The following ZNF3 variants were observed in gnomAD, a reference collection of about 807,000 sequenced individuals.
ZNF3 encodes C2-H2 type zinc finger protein.
A neutral mutation model predicts 36.9 loss-of-function variants in ZNF3; 16 were observed. The observed-to-expected ratio is 0.43, with a 90% CI of 0.29 to 0.66. ZNF3 has a LOEUF of 0.66. Ranked by LOEUF, ZNF3 falls within the 30% of genes least tolerant of loss-of-function variation. The pLI is 0.13. For missense variants in ZNF3, 462 were observed against 543.1 expected (o/e 0.85, Z 1.48); for synonymous variants, 201 against 201.9 (o/e 1.00, Z 0.04).
chr7:100,065,163 T>TA (rs1250057633), downstream of ZNF3: 5 of 494,882 alleles, frequency 1.0e-5, no homozygotes, highest in African/African-American at 3.9e-5. Context: ...CACGGTGGCT[T>TA]ACGCCTGTAA....
chr7:100,080,598 G>C (rs1794839868), intron 1 of ZNF3, among the ~76,000 whole-genome samples: 1 of 151,784 alleles, frequency 6.6e-6, no homozygotes, highest in Non-Finnish European at 1.5e-5. Context: ...GATCACTTGA[G>C]GCCAGGAGTT....
intron 1 of ZNF3, among the ~76,000 whole-genome samples, 156 bp from the exon 2 acceptor site, chr7:100,079,812 C>T (rs1282928569): frequency 6.6e-6 from 1 of 152,126 alleles, no homozygotes; most frequent in African/African-American, 2.4e-5. Flanking sequence ...ATCCTCCCAG[C>T]TCAGCCTCCC....
upstream of ZNF3, chr7:100,082,491 C>G (rs1460403812): frequency 6.6e-6 from 1 of 152,176 alleles, no homozygotes; most frequent in Non-Finnish European, 1.5e-5. Context: ...GAGGCTGAGA[C>G]AGGAGAATCG....
downstream of ZNF3, among the ~76,000 whole-genome samples, chr7:100,068,706 G>A (rs564561578): frequency 6.3e-4 from 95 of 151,800 alleles, no homozygotes; most frequent in South Asian, 2.1e-4. Context: ...CTCTGTTATC[G>A]TGTGGTGGTG....
At chr7:100,081,850 T>G (rs1795043161), upstream of ZNF3, 2 of 152,626 alleles carry the variant, frequency 1.3e-5, no homozygotes, top group Non-Finnish European at 2.9e-5. The surrounding 1 kb of genome is among the most constrained non-coding windows in gnomAD (Gnocchi z 4.3). Context: ...GTTTGCTGAC[T>G]CAGGGCGGCT....
In ZNF3 at chr7:100,081,287, G is replaced by A. The variant is rs1794960233; in HGVS notation, c.-198+348C>T. On this transcript the variant is annotated intron_variant, in intron 1 of 5. Transcript: ENST00000299667. The surrounding 1 kb of genome is among the most constrained non-coding windows in gnomAD (Gnocchi z 4.3). ...AACTGTGTTAACATCAAATAAAAAC[G>A]TCTGGGAGAAATACCAAGTTAGGGT... Among the ~76,000 whole-genome samples the A allele has an allele frequency of 6.6e-6, 1 of 152,238 alleles. No individual in the cohort carries two copies. The highest frequency in any genetic ancestry group is 1.5e-5 in the Non-Finnish European group (1 of 68,046).
chr7:100,077,247 C>A (rs34312198), intron 3 of ZNF3, 56 bp downstream of exon 3: 153,556 of 1,609,672 alleles, frequency 0.095, 8,331 homozygotes, highest in Non-Finnish European at 0.11. Flanking sequence ...TGAGCGATTT[C>A]AATGGATGAT....
At chr7:100,067,037 C>CAAAA, downstream of ZNF3, among the ~76,000 whole-genome samples, 1 of 150,198 alleles carries the variant, frequency 6.7e-6, no homozygotes, top group African/African-American at 2.5e-5. Context: ...GATTCCATCT[C>CAAAA]AAAAAAAAAT....
upstream of ZNF3, chr7:100,082,293 A>C (rs1795078248): frequency 6.6e-6 from 1 of 152,352 alleles, no homozygotes. Context: ...AGAGAAGAGG[A>C]AGCTTACCGG....
rs1691657993 is a variant in ZNF3 at position 100,079,558 on chromosome 7, C to G, written c.-99G>C. On this transcript the variant is annotated 5_prime_UTR_variant, in exon 2 of 6. Transcript: ENST00000299667. ...TACCTGCCTGATTCTTTCCTTCCTTCTTTGAAGTCAGTCCCTAGAAGGCCA... is the reference window on the plus strand; with the variant it reads ...TACCTGCCTGATTCTTTCCTTCCTTGTTTGAAGTCAGTCCCTAGAAGGCCA... 1 of 152,154 alleles carries G rather than the reference C, an allele frequency of 6.6e-6. No individual in the cohort carries two copies. The highest frequency in any genetic ancestry group is 1.5e-5 in the Non-Finnish European group (1 of 68,044). 9.4% of individuals were successfully genotyped at this position (152,154 alleles called of 1,614,324 possible).
intron 3 of ZNF3, among the ~76,000 whole-genome samples, chr7:100,076,289 ATTC>A (rs1794097814): frequency 6.6e-6 from 1 of 151,384 alleles, no homozygotes; most frequent in Non-Finnish European, 1.5e-5. Context: ...TTTTTCTGCA[ATTC>A]TTTTTTTTTT....
Position 100,072,320 on chromosome 7 carries a change from C to T in ZNF3, c.272-108G>A, listed in dbSNP as rs1584420562. 2.9e-6 allele frequency: 3 copies of T among 1,033,562 alleles called. No homozygotes were observed. In the East Asian group the frequency reaches 7.5e-5, roughly 26 times the overall value. The allele number at this position is 1,033,562 out of a possible 1,614,324, so 64.0% of individuals were successfully genotyped here. A position where few individuals can be genotyped will look rare whatever the true frequency, so the allele number is the denominator to read the frequency against. On this transcript the variant is annotated intron_variant, in intron 5 of 5. Transcript: ENST00000299667. ...TACTTACAGTGCCAAAAGCACATGC[C>T]TACAAAGAGGCCTGCCCCACATGTG...
chr7:100,073,705 C>A (rs1407033258), intron 5 of ZNF3, among the ~76,000 whole-genome samples: 3 of 151,812 alleles, frequency 2.0e-5, no homozygotes, highest in Non-Finnish European at 4.4e-5. Context: ...AGGTCCTGAA[C>A]AAAGCAACAG....
downstream of ZNF3, among the ~76,000 whole-genome samples, chr7:100,068,782 C>T (rs1294499941): frequency 1.3e-5 from 2 of 152,008 alleles, no homozygotes; most frequent in Non-Finnish European, 2.9e-5. Context: ...CTCAGCCTCC[C>T]GAGTAGCTGG....
At position 100,072,152 on chromosome 7, in the gene ZNF3, ACC is replaced by A. The variant is rs1486528455; in HGVS notation, c.330_331del (p.Val111ProfsTer16). 1 of 1,610,386 alleles carries A rather than the reference ACC, an allele frequency of 6.2e-7. No individual in the cohort carries two copies. The highest frequency in any genetic ancestry group is 1.3e-5 in the African/African-American group (1 of 74,576). On this transcript the variant is annotated frameshift_variant, in exon 6 of 6. Coordinates refer to ENST00000299667, the MANE Select transcript of ZNF3 (RefSeq NM_032924.5). LOFTEE classifies it high-confidence loss of function. ...ATCCTTTTGAAATCTTCCCAGTAGG[ACC>A]CCATGTGATCTTGTGTCTTCAGAAA...
chr7:100,077,344 G>A lies in ZNF3; in HGVS notation c.14C>T (p.Ala5Val). 6.2e-7 allele frequency: 1 copy of A among 1,613,990 alleles called. No individual in the cohort carries two copies. Among genetic ancestry groups the A allele is most frequent in the Non-Finnish European group, 8.5e-7 (1 of 1,179,966 alleles). Residue 5 changes from alanine (A) to valine (V), a missense_variant, in exon 3 of 6, where the codon GCT (alanine) becomes GTT (valine). Coordinates refer to ENST00000299667, the MANE Select transcript of ZNF3 (RefSeq NM_032924.5). METQ[A>V]DLVSQEPQAL... ...CTGAGGTTCCTGAGATACGAGATCA[G>A]CCTGAGTTTCCATGGAAGGGCAAGG...
intron 3 of ZNF3, among the ~76,000 whole-genome samples, chr7:100,076,645 A>G (rs111619464): frequency 4.3e-4 from 66 of 152,144 alleles, no homozygotes; most frequent in Non-Finnish European, 8.7e-4. Flanking sequence ...TCTATGACCC[A>G]TAAAATGATT....
chr7:100,075,457 G>T, intron 4 of ZNF3, 85 bp downstream of exon 4: 1 of 1,526,908 alleles, frequency 6.5e-7, no homozygotes, highest in Non-Finnish European at 9.1e-7. Context: ...TGGGCCTGAT[G>T]GAGGAGATCA....
At chr7:100,065,316 CGGG>C (rs370227222), downstream of ZNF3, among the ~76,000 whole-genome samples, 120 of 151,608 alleles carry the variant, frequency 7.9e-4, no homozygotes, top group African/African-American at 2.8e-3. Context: ...CCAAGCCACT[CGGG>C]AGGCTGAGGT....
Sources: gnomAD v4.1 joint callset for allele counts (sites outside exome capture counted in the v4.1 genomes callset) on GRCh38, gnomAD v4.1.1 for gene constraint, Gnocchi (gnomAD v3.1) non-coding constraint, MANE v1.5 for transcripts, NCBI Gene and HGNC (gene_info 2026-07-23, HGNC 2026-07-21) for gene names.